The following CACYBP variants were observed in gnomAD, a reference collection of about 807,000 sequenced individuals.
CACYBP encodes the protein calcyclin-binding protein.
CACYBP carries 11 observed loss-of-function variants against 29.6 expected under a neutral mutation model. The ratio of observed to expected loss-of-function variants is 0.37; its 90% confidence interval spans 0.23 to 0.61. The LOEUF (loss-of-function observed/expected upper bound fraction) is 0.61. Among genes scored for constraint, CACYBP ranks in the 20% least tolerant of loss-of-function variants. CACYBP has a pLI of 0.65. For synonymous variants in CACYBP, 73 were observed against 88.3 expected (o/e 0.83, Z 0.97); for missense variants, 163 against 260.7 (o/e 0.63, Z 2.58).
rs527615340 is a variant in CACYBP at position 175,001,552 on chromosome 1, G to C, written c.15+1357G>C. 4.6e-5 allele frequency among the ~76,000 whole-genome samples: 7 copies of C among 152,232 alleles called. No individual in the cohort carries two copies. In the South Asian group the frequency reaches 1.4e-3, roughly 32 times the overall value. On this transcript the variant is annotated intron_variant, in intron 1 of 5. Coordinates refer to ENST00000367679, the MANE Select transcript of CACYBP (RefSeq NM_014412.3). ...CTTTCTGTGAATTTGCCTATTGTAG[G>C]CATTTCATATAAATGGAGTCACGCT...
intron 5 of CACYBP, 80 bp from the exon 6 acceptor site, chr1:175,009,843 C>A: frequency 1.8e-6 from 2 of 1,090,938 alleles, no homozygotes; most frequent in Non-Finnish European, 2.7e-6. Flanking sequence ...CCTCTACTTC[C>A]TGCCAGTGTT....
At chr1:175,002,927 C>A (rs1231680860) in intron 1 of CACYBP, among the ~76,000 whole-genome samples, 1 of 152,206 alleles carries the variant, frequency 6.6e-6, no homozygotes, top group East Asian at 1.9e-4. Context: ...TTTTACATTT[C>A]AATATTTTTA....
At position 175,011,506 on chromosome 1, in the gene CACYBP, G is replaced by T. The variant is rs1482586264; in HGVS notation, c.*1427G>T. On this transcript the variant is annotated 3_prime_UTR_variant, in exon 6 of 6. Coordinates refer to ENST00000367679, the MANE Select transcript of CACYBP (RefSeq NM_014412.3). ...ATTATATGTGACTTAAAACCTAGAA[G>T]AAATAAATAAAACTATTGATCAATT... is the stretch of plus-strand genomic sequence containing the variant. The T allele has an allele frequency of 6.6e-6, 1 of 152,048 alleles. No homozygotes were observed. Among genetic ancestry groups the T allele is most frequent in the East Asian group, 1.9e-4 (1 of 5,194 alleles). 9.4% of individuals were successfully genotyped at this position (152,048 alleles called of 1,614,324 possible). A position where few individuals can be genotyped will look rare whatever the true frequency, so the allele number is the denominator to read the frequency against.
intron 5 of CACYBP, 36 bp downstream of exon 5, chr1:175,008,742 G>GT (rs1672678075): frequency 1.0e-6 from 1 of 980,882 alleles, no homozygotes; most frequent in African/African-American, 1.6e-5. Context: ...GAATTTTAGT[G>GT]TATTGTTTGA....
chr1:175,008,563 T>C, intron 4 of CACYBP, 46 bp from the exon 5 acceptor site: 1 of 855,268 alleles, frequency 1.2e-6, no homozygotes, highest in Non-Finnish European at 2.0e-6. Flanking sequence ...TTCATGCTTA[T>C]CTCCATGTCT....
Position 175,010,082 on chromosome 1 carries a change from CTT to C in CACYBP, c.*5_*6del, listed in dbSNP as rs1390824636. 6.2e-7 allele frequency: 1 copy of C among 1,611,376 alleles called. No homozygotes were observed. Among genetic ancestry groups the C allele is most frequent in the Admixed American group, 1.7e-5 (1 of 59,580 alleles). ...CCAAAGGAGACACGGAATTTTGAGACTTTAAAGTCGTTTTGGGAACTGTGATG... is the reference window on the plus strand; with the variant it reads ...CCAAAGGAGACACGGAATTTTGAGACTAAAGTCGTTTTGGGAACTGTGATG... On this transcript the variant is annotated 3_prime_UTR_variant, in exon 6 of 6. Transcript: ENST00000367679.
chr1:175,008,504 A>G (rs1444823902), intron 4 of CACYBP, 105 bp from the exon 5 acceptor site: 4 of 670,842 alleles, frequency 6.0e-6, no homozygotes, highest in South Asian at 1.9e-5. Flanking sequence ...AAATAAGTCT[A>G]TACATACTAG....
At chr1:174,999,682 G>A (rs1325355782), upstream of CACYBP, 3 of 239,212 alleles carry the variant, frequency 1.3e-5, no homozygotes, top group African/African-American at 7.2e-5. Context: ...CTTGGACTCC[G>A]AAGATCGGTA....
chr1:175,003,060 T>C (rs1377449972), intron 1 of CACYBP, among the ~76,000 whole-genome samples: 4 of 151,908 alleles, frequency 2.6e-5, no homozygotes, highest in African/African-American at 7.3e-5. Flanking sequence ...TTTGTCATAG[T>C]AATATGAGCT....
At chr1:175,004,891 G>T in intron 2 of CACYBP, 58 bp downstream of exon 2, 1 of 1,097,388 alleles carries the variant, frequency 9.1e-7, no homozygotes, top group Non-Finnish European at 1.4e-6. Flanking sequence ...CCTCATAGTG[G>T]TCTAACAAAT....
At chr1:175,004,496 A>C (rs145930231) in intron 1 of CACYBP, 118 bp from the exon 2 acceptor site, 142 of 619,532 alleles carry the variant, frequency 2.3e-4, no homozygotes, top group African/African-American at 2.3e-3. Flanking sequence ...ATCCTAGAAA[A>C]TTTAGATGAA....
intron 5 of CACYBP, 184 bp downstream of exon 5, chr1:175,008,890 T>C (rs926758283): frequency 8.9e-6 from 5 of 564,138 alleles, no homozygotes; most frequent in South Asian, 8.8e-5. Context: ...AGTGTGGTTC[T>C]TAACCCTAGG....
chr1:175,008,958 G>A, intron 5 of CACYBP: 1 of 383,904 alleles, frequency 2.6e-6, no homozygotes, highest in South Asian at 4.7e-5. Context: ...TGTTTCGGTA[G>A]TTTGAGAGGG....
chr1:175,008,629 T>TA lies in CACYBP; in HGVS notation c.454dup (p.Ile152AsnfsTer4). The stretch of plus-strand genomic sequence containing the variant: ...TCCAGGTCAAGACTGATACAGTTCT[T>TA]ATATTGTGTAGAAAGAAAGTGGAAA... On this transcript the variant is annotated frameshift_variant, in exon 5 of 6. Coordinates refer to ENST00000367679, the MANE Select transcript of CACYBP (RefSeq NM_014412.3). LOFTEE classifies it high-confidence loss of function. 6.4e-7 allele frequency: 1 copy of TA among 1,563,196 alleles called. No homozygotes were observed. The highest frequency in any genetic ancestry group is 8.8e-7 in the Non-Finnish European group (1 of 1,133,864).
intron 2 of CACYBP, among the ~76,000 whole-genome samples, chr1:175,005,259 C>G (rs1486611417): frequency 6.6e-6 from 1 of 152,178 alleles, no homozygotes; most frequent in African/African-American, 2.4e-5. Context: ...GGATACACAA[C>G]AGTGACTAAG....
In CACYBP at chr1:175,010,318, T is replaced by A. The variant is rs868841445; in HGVS notation, c.*239T>A. Reference sequence around the variant, plus strand: ...CTGGTCATTTTGTTCAAGGAAGGGTTATATTGCATTCTCACGTGAAATATA... The same window carrying A: ...CTGGTCATTTTGTTCAAGGAAGGGTAATATTGCATTCTCACGTGAAATATA... On this transcript the variant is annotated 3_prime_UTR_variant, in exon 6 of 6. Coordinates refer to ENST00000367679, the MANE Select transcript of CACYBP (RefSeq NM_014412.3). 42 of 315,406 alleles carry A rather than the reference T, an allele frequency of 1.3e-4. 1 individual carries two copies. The Middle Eastern group carries it at 5.2e-3, about 39-fold the overall frequency. The allele number at this position is 315,406 out of a possible 1,614,324, so 19.5% of individuals were successfully genotyped here.
chr1:175,005,272 C>T (rs927113908), intron 2 of CACYBP, among the ~76,000 whole-genome samples: 4 of 152,116 alleles, frequency 2.6e-5, no homozygotes, highest in African/African-American at 9.7e-5. Context: ...TGACTAAGAC[C>T]CAGTCCTTGC....
chr1:175,005,027 G>C, intron 2 of CACYBP, 194 bp downstream of exon 2: 1 of 607,590 alleles, frequency 1.6e-6, no homozygotes, highest in Non-Finnish European at 3.0e-6. Context: ...GTTAACAAGA[G>C]TAAGGTGATT....
At chr1:174,999,728 G>A (rs1331100346), upstream of CACYBP, 5 of 259,726 alleles carry the variant, frequency 1.9e-5, no homozygotes, top group African/African-American at 1.2e-4. Context: ...CAGCGGTTCC[G>A]AGCTGCGACT....
Sources: gnomAD v4.1 joint callset for allele counts (sites outside exome capture counted in the v4.1 genomes callset) on GRCh38, gnomAD v4.1.1 for gene constraint, MANE v1.5 for transcripts, NCBI Gene and HGNC (gene_info 2026-07-23, HGNC 2026-07-21) for gene names.